CATSPERE: variants seen among roughly 807,000 people sequenced by gnomAD.
CATSPERE encodes catsper channel auxiliary subunit epsilon.
A neutral mutation model predicts 114.1 loss-of-function variants in CATSPERE; 93 were observed. That is an observed-to-expected ratio of 0.81 (90% CI 0.69 to 0.97). The LOEUF is 0.97. Among genes scored for constraint, CATSPERE ranks in the 50% least tolerant of loss-of-function variants. The pLI, the probability that CATSPERE is intolerant of heterozygous loss-of-function variation, is 0.00. For missense variants in CATSPERE, 1,058 were observed against 1,131.6 expected (o/e 0.93, Z 0.93); for synonymous variants, 341 against 384.1 (o/e 0.89, Z 1.31).
chr1:244,560,484 G>A (rs188650962), intron 9 of CATSPERE, among the ~76,000 whole-genome samples, 184 bp from the exon 10 acceptor site: 7 of 151,862 alleles, frequency 4.6e-5, no homozygotes, highest in Non-Finnish European at 8.8e-5. Context: ...CAGGTGATGG[G>A]TGCACCAGAA....
intron 5 of CATSPERE, among the ~76,000 whole-genome samples, chr1:244,486,615 G>A (rs1335107935): frequency 3.6e-5 from 4 of 110,616 alleles, no homozygotes; most frequent in Admixed American, 9.0e-5. Context: ...TGGAGTACTC[G>A]TGGGTCAGGT....
intron 7 of CATSPERE, among the ~76,000 whole-genome samples, chr1:244,502,635 C>A (rs747875534): frequency 6.6e-6 from 1 of 152,278 alleles, no homozygotes; most frequent in South Asian, 2.1e-4. Flanking sequence ...TGCCTGTTCA[C>A]TCCTTCGAAA....
chr1:244,601,099 G>A (rs1669147821), intron 17 of CATSPERE, among the ~76,000 whole-genome samples: 1 of 152,068 alleles, frequency 6.6e-6, no homozygotes, highest in African/African-American at 2.4e-5. Flanking sequence ...TAAAAATTTT[G>A]AAATTCTAGA....
At chr1:244,574,167 C>T (rs1404384096) in intron 11 of CATSPERE, among the ~76,000 whole-genome samples, 1 of 151,928 alleles carries the variant, frequency 6.6e-6, no homozygotes, top group Admixed American at 6.6e-5. Flanking sequence ...CAATAGGGAA[C>T]AAAGGAAAAA....
intron 8 of CATSPERE, among the ~76,000 whole-genome samples, chr1:244,522,412 A>G (rs1677722333): frequency 6.6e-6 from 1 of 152,200 alleles, no homozygotes; most frequent in Admixed American, 6.5e-5. Flanking sequence ...CCCTAACATC[A>G]CAATTAAAAG....
At chr1:244,526,667 T>TA (rs1558431561) in intron 8 of CATSPERE, among the ~76,000 whole-genome samples, 3 of 140,192 alleles carry the variant, frequency 2.1e-5, no homozygotes, top group Non-Finnish European at 3.1e-5. Context: ...TTTTTTTTTT[T>TA]AGACAGGTTC....
intron 20 of CATSPERE, among the ~76,000 whole-genome samples, chr1:244,621,114 ATAAT>A (rs1290239387): frequency 1.4e-5 from 1 of 72,494 alleles, no homozygotes; most frequent in African/African-American, 5.4e-5. Flanking sequence ...AAATATATAT[ATAAT>A]ATATATATAA....
At chr1:244,490,188 G>C (rs1187173148) in intron 5 of CATSPERE, among the ~76,000 whole-genome samples, 2 of 152,150 alleles carry the variant, frequency 1.3e-5, no homozygotes, top group Admixed American at 6.5e-5. Flanking sequence ...GAGCGGTTTT[G>C]GTGATGTTAT....
chr1:244,566,828 G>A (rs1456035940), intron 10 of CATSPERE, among the ~76,000 whole-genome samples: 3 of 151,148 alleles, frequency 2.0e-5, no homozygotes, highest in Non-Finnish European at 4.4e-5. Context: ...TTTTAATTGG[G>A]GCATTTAGCC....
chr1:244,519,563 A>T (rs1677185307), intron 8 of CATSPERE, among the ~76,000 whole-genome samples: 1 of 151,890 alleles, frequency 6.6e-6, no homozygotes, highest in African/African-American at 2.4e-5. Flanking sequence ...CTTGAAGTTC[A>T]TTGGTGTGTC....
At chr1:244,536,551 C>T (rs1250458624) in intron 8 of CATSPERE, among the ~76,000 whole-genome samples, 3 of 152,114 alleles carry the variant, frequency 2.0e-5, no homozygotes, top group Non-Finnish European at 2.9e-5. Context: ...CACTGAATTC[C>T]GACGGAAAGT....
At position 244,607,952 on chromosome 1, in the gene CATSPERE, A is replaced by C. The variant is rs144544451; in HGVS notation, c.2403+2158A>C. ...TGAAACCCCATATCTCCTAAAAATA[A>C]AAAAATTAGCTGGGCATGCTGGCAC... On this transcript the variant is annotated intron_variant, in intron 18 of 21. Coordinates refer to ENST00000366534, the MANE Select transcript of CATSPERE (RefSeq NM_001130957.2). The surrounding 1 kb of genome is among the most constrained non-coding windows in gnomAD (Gnocchi z 4.4). 2.5e-3 allele frequency among the ~76,000 whole-genome samples: 374 copies of C among 151,924 alleles called. 5 individuals are homozygous for C. Among genetic ancestry groups the C allele is most frequent in the East Asian group, 0.014 (71 of 5,106 alleles).
In CATSPERE at chr1:244,621,256, G is replaced by GATATATTTATATAA. The variant is rs1470854186; in HGVS notation, c.2648+3583_2648+3584insAATATATTTATATA. On this transcript the variant is annotated intron_variant, in intron 20 of 21. Coordinates refer to ENST00000366534, the MANE Select transcript of CATSPERE (RefSeq NM_001130957.2). ...ATATTTATATAGATATATTTATATA[G>GATATATTTATATAA]ATATATTTATATAGATATATCTATA... is the stretch of plus-strand genomic sequence containing the variant. Among the ~76,000 whole-genome samples, 13 of 21,474 alleles carry GATATATTTATATAA rather than the reference G, an allele frequency of 6.1e-4. 1 individual carries two copies. Among genetic ancestry groups the GATATATTTATATAA allele is most frequent in the African/African-American group, 2.3e-3 (13 of 5,750 alleles). The allele number at this position is 21,474 out of a possible 152,430, so 14.1% of individuals were successfully genotyped here.
At chr1:244,452,046 C>A (rs1258391212), upstream of CATSPERE, 3 of 382,190 alleles carry the variant, frequency 7.8e-6, no homozygotes, top group East Asian at 1.2e-4. Context: ...TCGGCAGCAC[C>A]GCCCGCAGGA....
At chr1:244,451,617 G>T, upstream of CATSPERE, 1 of 1,598,788 alleles carries the variant, frequency 6.3e-7, no homozygotes, top group Non-Finnish European at 8.5e-7. This position sits in a 1 kb window ranked among gnomAD's most constrained non-coding sequence, Gnocchi z 6.6. Flanking sequence ...CTTCCCATGA[G>T]AGGCCCCGTC....
Position 244,639,933 on chromosome 1 carries a change from G to C in CATSPERE, c.2708G>C (p.Ser903Thr). 3.2e-6 allele frequency: 5 copies of C among 1,538,856 alleles called. No homozygotes were observed. Among genetic ancestry groups the C allele is most frequent in the Non-Finnish European group, 4.4e-6 (5 of 1,143,330 alleles). Residue 903 changes from serine (S) to threonine (T), a missense_variant, in exon 22 of 22, where the codon AGT (serine) becomes ACT (threonine). Ser to Thr is a moderately conservative substitution (Grantham distance 58, BLOSUM62 1). Coordinates refer to ENST00000366534, the MANE Select transcript of CATSPERE (RefSeq NM_001130957.2). ...IETFGLIPSP[S>T]VYLVASFLFV... ...TTTTTTTTTTCTGATTTCAGTCCAA[G>C]TGTCTACCTGGTAGCTTCTTTCCTC...
At chr1:244,533,856 GT>G (rs973205711) in intron 8 of CATSPERE, among the ~76,000 whole-genome samples, 1 of 148,224 alleles carries the variant, frequency 6.7e-6, no homozygotes, top group African/African-American at 2.5e-5. Flanking sequence ...TCAGCAGTGA[GT>G]TTTGTGCCTT....
chr1:244,555,905 GA>G (rs1296775684), intron 9 of CATSPERE, among the ~76,000 whole-genome samples: 1 of 152,152 alleles, frequency 6.6e-6, no homozygotes, highest in Non-Finnish European at 1.5e-5. Flanking sequence ...ACAAAACACT[GA>G]TAAGGCTGAG....
chr1:244,596,411 A>T (rs541155234), intron 17 of CATSPERE, among the ~76,000 whole-genome samples: 1 of 152,232 alleles, frequency 6.6e-6, no homozygotes, highest in East Asian at 1.9e-4. Flanking sequence ...CACTCTAATA[A>T]ACTTGCTTTC....
Sources: gnomAD v4.1 joint callset for allele counts (sites outside exome capture counted in the v4.1 genomes callset) on GRCh38, gnomAD v4.1.1 for gene constraint, Gnocchi (gnomAD v3.1) non-coding constraint, MANE v1.5 for transcripts, NCBI Gene and HGNC (gene_info 2026-07-23, HGNC 2026-07-21) for gene names.